Variants in STXBP5 observed in about 807,000 individuals in gnomAD.
STXBP5 encodes syntaxin-binding protein 5.
A neutral mutation model predicts 152.4 loss-of-function variants in STXBP5; 50 were observed. The ratio of observed to expected loss-of-function variants is 0.33; its 90% confidence interval spans 0.26 to 0.42. The LOEUF is 0.42. Ranked by LOEUF, STXBP5 falls within the 10% of genes least tolerant of loss-of-function variation. The probability of loss-of-function intolerance (pLI) is 1.00; values close to 1 mark genes in which losing one functional copy is unlikely to be tolerated. For missense variants in STXBP5, 1,167 were observed against 1,388.6 expected (o/e 0.84, Z 2.54); for synonymous variants, 492 against 494.7 (o/e 0.99, Z 0.07).
chr6:147,375,158 C>G (rs933883955), intron 26 of STXBP5, among the ~76,000 whole-genome samples: 19 of 151,976 alleles, frequency 1.3e-4, no homozygotes, highest in Non-Finnish European at 2.6e-4. Flanking sequence ...CATAGATAAC[C>G]AGGAACATTA....
At chr6:147,367,944 A>C (rs1164522747) in intron 25 of STXBP5, among the ~76,000 whole-genome samples, 1 of 152,068 alleles carries the variant, frequency 6.6e-6, no homozygotes, top group Non-Finnish European at 1.5e-5. Flanking sequence ...TTTAAAGACA[A>C]ATTACCAAGC....
intron 2 of STXBP5, among the ~76,000 whole-genome samples, chr6:147,226,725 A>C (rs918783368): frequency 6.6e-6 from 1 of 152,202 alleles, no homozygotes; most frequent in African/African-American, 2.4e-5. Context: ...ATTCTTATCT[A>C]CTTGGAGTAA....
chr6:147,345,591 A>G (rs1028451786), intron 21 of STXBP5, among the ~76,000 whole-genome samples: 5 of 152,210 alleles, frequency 3.3e-5, no homozygotes, highest in Non-Finnish European at 4.4e-5. Context: ...GGTATAAACA[A>G]AAATCAACTT....
At chr6:147,351,713 A>T (rs990804704) in intron 21 of STXBP5, 11 of 247,404 alleles carry the variant, frequency 4.4e-5, no homozygotes, top group Admixed American at 1.9e-4. Flanking sequence ...CTTGTTTGCT[A>T]AAGGATACTA....
At chr6:147,331,934 C>G (rs1033614843) in intron 18 of STXBP5, among the ~76,000 whole-genome samples, 2 of 151,740 alleles carry the variant, frequency 1.3e-5, no homozygotes, top group African/African-American at 4.8e-5. Context: ...GTTTCTTCTT[C>G]TGTAAAATGA....
At chr6:147,209,757 C>G (rs1292588529) in intron 2 of STXBP5, among the ~76,000 whole-genome samples, 1 of 152,022 alleles carries the variant, frequency 6.6e-6, no homozygotes, top group Non-Finnish European at 1.5e-5. Flanking sequence ...ATTTGATGAA[C>G]ATTTCTATAC....
rs145186591 is a variant in STXBP5 at position 147,318,172 on chromosome 6, C to T, written c.1802+1765C>T. Among the ~76,000 whole-genome samples, 33 of 152,134 alleles carry T rather than the reference C, an allele frequency of 2.2e-4. No homozygotes were observed. The East Asian group carries it at 4.6e-3, about 21-fold the overall frequency. On this transcript the variant is annotated intron_variant, in intron 16 of 27. Coordinates refer to ENST00000321680, the MANE Select transcript of STXBP5 (RefSeq NM_001127715.4). ...CTTTTCCTACCTGAAGAAAAAACAC[C>T]ATCAATGCACTGCTTTCTCATGACA...
At chr6:147,366,343 A>T (rs1332870777) in intron 25 of STXBP5, among the ~76,000 whole-genome samples, 1 of 152,248 alleles carries the variant, frequency 6.6e-6, no homozygotes, top group Non-Finnish European at 1.5e-5. Context: ...GGAGAAACCC[A>T]TAATTTGTGT....
intron 7 of STXBP5, among the ~76,000 whole-genome samples, chr6:147,274,796 A>T (rs959668272): frequency 6.6e-6 from 1 of 152,096 alleles, no homozygotes; most frequent in African/African-American, 2.4e-5. Flanking sequence ...TTGGGAATCA[A>T]TGCAGCTTTT....
intron 4 of STXBP5, among the ~76,000 whole-genome samples, chr6:147,247,222 A>G (rs1177322243): frequency 6.6e-6 from 1 of 152,246 alleles, no homozygotes; most frequent in East Asian, 1.9e-4. Flanking sequence ...ACAGAATTAT[A>G]GTTTCTCTGC....
rs181336316 is a variant in STXBP5, at chr6:147,378,776, T to C, written c.3194-4002T>C. 3.8e-4 allele frequency among the ~76,000 whole-genome samples: 58 copies of C among 152,302 alleles called. No homozygotes were observed. The East Asian group carries it at 0.01, about 26-fold the overall frequency. ...ATATACAAAAATAAAATTTAATTTA[T>C]ATTAACAGTAATAAAAAATGAAAAA... On this transcript the variant is annotated intron_variant, in intron 26 of 27. Transcript: ENST00000321680.
intron 18 of STXBP5, among the ~76,000 whole-genome samples, chr6:147,328,997 G>A (rs895306155): frequency 2.6e-5 from 4 of 152,048 alleles, no homozygotes; most frequent in Non-Finnish European, 5.9e-5. Context: ...TTTAATGCTA[G>A]AATGTTAGAA....
Position 147,262,369 on chromosome 6 carries a change from A to C in STXBP5, c.630+16A>C. ...CGAGGGAAAGGTAGAATTTTTTGTAAAAAATTATATATTAAATGCACAAAT... is the reference window on the plus strand; with the variant it reads ...CGAGGGAAAGGTAGAATTTTTTGTACAAAATTATATATTAAATGCACAAAT... On this transcript the variant is annotated intron_variant, in intron 6 of 27. Transcript: ENST00000321680. The C allele has an allele frequency of 6.8e-7, 1 of 1,476,500 alleles. No homozygotes were observed. Among genetic ancestry groups the C allele is most frequent in the Non-Finnish European group, 9.2e-7 (1 of 1,089,856 alleles). 91.5% of individuals were successfully genotyped at this position (1,476,500 alleles called of 1,614,324 possible). A position where few individuals can be genotyped will look rare whatever the true frequency, so the allele number is the denominator to read the frequency against.
intron 12 of STXBP5, 109 bp from the exon 13 acceptor site, chr6:147,314,155 G>A: frequency 1.4e-6 from 2 of 1,407,446 alleles, no homozygotes; most frequent in Admixed American, 2.0e-5. Flanking sequence ...ATTTTTGCAA[G>A]CAAAATATGT....
intron 18 of STXBP5, among the ~76,000 whole-genome samples, chr6:147,331,072 C>G (rs890676224): frequency 6.6e-6 from 1 of 152,138 alleles, no homozygotes; most frequent in Non-Finnish European, 1.5e-5. Context: ...AATGTGTAGT[C>G]TAATTACCTT....
chr6:147,216,252 C>T (rs941457872), intron 2 of STXBP5, among the ~76,000 whole-genome samples: 5 of 152,010 alleles, frequency 3.3e-5, no homozygotes, highest in South Asian at 2.1e-4. Flanking sequence ...ATTTGCCGAG[C>T]GTGGTGGCAG....
rs536865092 is a variant in STXBP5, at chr6:147,327,926, C to T, written c.2080+650C>T. Among the ~76,000 whole-genome samples, 63 of 152,042 alleles carry T rather than the reference C, an allele frequency of 4.1e-4. 1 individual carries two copies. Among genetic ancestry groups the T allele is most frequent in the South Asian group, 1.9e-3 (9 of 4,804 alleles). On this transcript the variant is annotated intron_variant, in intron 18 of 27. Coordinates refer to ENST00000321680, the MANE Select transcript of STXBP5 (RefSeq NM_001127715.4). ...TAAGACCAGTGATTTATTGTTTAAA[C>T]GATTTAATTCAAAGGAATCATTCCC... is the stretch of plus-strand genomic sequence containing the variant.
At chr6:147,255,928 G>T (rs1279315003) in intron 4 of STXBP5, among the ~76,000 whole-genome samples, 2 of 152,060 alleles carry the variant, frequency 1.3e-5, no homozygotes, top group African/African-American at 4.8e-5. Context: ...GTATTTTTTG[G>T]ACTGTAGACT....
intron 21 of STXBP5, among the ~76,000 whole-genome samples, chr6:147,343,362 T>G (rs1055446429): frequency 3.3e-5 from 5 of 152,190 alleles, no homozygotes; most frequent in African/African-American, 4.8e-5. Context: ...CACATGAATC[T>G]CAGTGATTCC....
Sources: allele counts gnomAD v4.1 joint callset (sites outside exome capture counted in the v4.1 genomes callset), GRCh38; gene constraint gnomAD v4.1.1; transcripts MANE v1.5; gene names NCBI Gene and HGNC (gene_info 2026-07-23, HGNC 2026-07-21).